Variants in GRM8 observed in about 807,000 individuals in gnomAD.
GRM8 encodes the protein glutamate metabotropic receptor 8, also known as metabotropic glutamate receptor 8.
In GRM8, 47 loss-of-function variants were observed where a neutral mutation model predicts 87.2. That is an observed-to-expected ratio of 0.54 (90% confidence interval 0.43 to 0.69). The LOEUF (loss-of-function observed/expected upper bound fraction) is 0.69, where lower values mean the gene tolerates loss of function less well. GRM8 is among the 30% of genes least tolerant of loss of function. GRM8 has a pLI of 0.00. For missense variants in GRM8, 1,019 were observed against 1,139.2 expected (o/e 0.89, Z 1.52); for synonymous variants, 396 against 404.5 (o/e 0.98, Z 0.25).
chr7:127,168,992 A>C (rs1793621603), intron 2 of GRM8, among the ~76,000 whole-genome samples: 1 of 108,044 alleles, frequency 9.3e-6, no homozygotes, highest in Admixed American at 8.4e-5. Flanking sequence ...CATGTACTGC[A>C]GAAACTATAA....
chr7:127,065,745 G>T (rs1821042726), intron 3 of GRM8, among the ~76,000 whole-genome samples: 1 of 152,150 alleles, frequency 6.6e-6, no homozygotes, highest in Non-Finnish European at 1.5e-5. Context: ...TGCCACAGTT[G>T]CAGAGCCCAC....
At chr7:126,802,746 A>G (rs1422288555) in intron 6 of GRM8, among the ~76,000 whole-genome samples, 1 of 152,206 alleles carries the variant, frequency 6.6e-6, no homozygotes, top group Non-Finnish European at 1.5e-5. Flanking sequence ...AAATGGCAGA[A>G]TCACTAGAAG....
chr7:127,191,353 A>T (rs1176162932), intron 2 of GRM8, among the ~76,000 whole-genome samples: 1 of 152,196 alleles, frequency 6.6e-6, no homozygotes, highest in Non-Finnish European at 1.5e-5. Flanking sequence ...TGTTTTTATC[A>T]TATAAAAAAG....
intron 3 of GRM8, among the ~76,000 whole-genome samples, chr7:126,936,896 G>A (rs1031801853): frequency 2.6e-5 from 4 of 152,290 alleles, no homozygotes; most frequent in African/African-American, 4.8e-5. Context: ...TTTCTAGCTT[G>A]TTTAAGCTAC....
intron 2 of GRM8, among the ~76,000 whole-genome samples, chr7:127,156,345 C>T (rs1221187022): frequency 2.6e-5 from 4 of 152,128 alleles, no homozygotes; most frequent in Admixed American, 2.6e-4. Context: ...AGAAGATTAG[C>T]CTACCCCTAA....
At chr7:126,501,172 A>G (rs983947985) in intron 9 of GRM8, among the ~76,000 whole-genome samples, 1 of 152,070 alleles carries the variant, frequency 6.6e-6, no homozygotes, top group Non-Finnish European at 1.5e-5. Flanking sequence ...ACAAAAGTAA[A>G]TGCTAATACT....
intron 3 of GRM8, among the ~76,000 whole-genome samples, chr7:126,929,960 T>C (rs1805590042): frequency 6.6e-6 from 1 of 151,242 alleles, no homozygotes; most frequent in African/African-American, 2.4e-5. Flanking sequence ...TGTATTGGTC[T>C]TTGCAATTTA....
chr7:126,520,737 G>C (rs575696437), intron 9 of GRM8, among the ~76,000 whole-genome samples: 1 of 152,198 alleles, frequency 6.6e-6, no homozygotes, highest in African/African-American at 2.4e-5. Context: ...AATAATAAGA[G>C]AGGTGGAAAC....
At chr7:127,113,684 G>A (rs1350365984) in intron 2 of GRM8, among the ~76,000 whole-genome samples, 2 of 152,096 alleles carry the variant, frequency 1.3e-5, no homozygotes, top group Admixed American at 6.6e-5. Flanking sequence ...AGTGATGGTG[G>A]TTAGCAACAG....
chr7:126,462,827 A>G (rs1563032489), intron 9 of GRM8, among the ~76,000 whole-genome samples: 1 of 151,464 alleles, frequency 6.6e-6, no homozygotes, highest in Non-Finnish European at 1.5e-5. Flanking sequence ...TCCTTTTATT[A>G]TTTTTACCAA....
Position 126,630,545 on chromosome 7 carries a change from C to T in GRM8, c.1358-21047G>A, listed in dbSNP as rs551177443. Among the ~76,000 whole-genome samples, 21 of 152,224 alleles carry T rather than the reference C, an allele frequency of 1.4e-4. No individual in the cohort carries two copies. The South Asian group carries it at 3.5e-3, about 26-fold the overall frequency. ...CTAAGTCGTTAAATGAGGCCAGCAT[C>T]TTCCTAATACCAAAACCTAGCAGAG... On this transcript the variant is annotated intron_variant, in intron 7 of 10. Transcript: ENST00000339582.
chr7:127,073,356 G>A (rs1018899088), intron 3 of GRM8, among the ~76,000 whole-genome samples: 4 of 152,222 alleles, frequency 2.6e-5, no homozygotes, highest in African/African-American at 4.8e-5. Context: ...GATGATCTGC[G>A]CCCCATCAGT....
chr7:127,067,759 T>C (rs1372157061), intron 3 of GRM8, among the ~76,000 whole-genome samples: 1 of 152,192 alleles, frequency 6.6e-6, no homozygotes, highest in Non-Finnish European at 1.5e-5. Flanking sequence ...CTCAATCCAA[T>C]TTAGAATAGT....
chr7:126,788,942 G>A (rs1820978317), intron 6 of GRM8, among the ~76,000 whole-genome samples: 1 of 151,948 alleles, frequency 6.6e-6, no homozygotes. Context: ...TATAACATAT[G>A]GCATTCTAAC....
At chr7:126,721,027 T>C (rs537867591) in intron 7 of GRM8, among the ~76,000 whole-genome samples, 1 of 152,354 alleles carries the variant, frequency 6.6e-6, no homozygotes, top group East Asian at 1.9e-4. Context: ...TTTTCTGCTC[T>C]CTTGAGCTGA....
At chr7:127,125,830 G>GT (rs1347648337) in intron 2 of GRM8, among the ~76,000 whole-genome samples, 1 of 148,316 alleles carries the variant, frequency 6.7e-6, no homozygotes, top group Non-Finnish European at 1.5e-5. Flanking sequence ...GCAAAAGACG[G>GT]TTTTCAAAAG....
At chr7:126,821,749 C>G (rs1041262234) in intron 6 of GRM8, among the ~76,000 whole-genome samples, 1 of 152,156 alleles carries the variant, frequency 6.6e-6, no homozygotes, top group Non-Finnish European at 1.5e-5. Flanking sequence ...CATTGCATAA[C>G]CATGGTACAA....
At chr7:126,579,868 AT>A (rs934109786) in intron 8 of GRM8, among the ~76,000 whole-genome samples, 1 of 152,140 alleles carries the variant, frequency 6.6e-6, no homozygotes, top group African/African-American at 2.4e-5. Context: ...TACTAAGTAA[AT>A]TTTGAAATGA....
At chr7:127,063,055 A>C (rs1820775253) in intron 3 of GRM8, among the ~76,000 whole-genome samples, 1 of 151,898 alleles carries the variant, frequency 6.6e-6, no homozygotes, top group Non-Finnish European at 1.5e-5. Flanking sequence ...GATCAAGACC[A>C]TGCTGGCTAA....
Sources: gnomAD v4.1 joint callset for allele counts (sites outside exome capture counted in the v4.1 genomes callset) on GRCh38, gnomAD v4.1.1 for gene constraint, MANE v1.5 for transcripts, NCBI Gene and HGNC (gene_info 2026-07-23, HGNC 2026-07-21) for gene names.